RANBP17: variants seen among roughly 807,000 people sequenced by gnomAD.
The protein encoded by RANBP17 is RAN binding protein 17.
Under a neutral mutation model 141.2 loss-of-function variants are expected in RANBP17, and 158 were observed. The observed-to-expected ratio is 1.12, with a 90% CI of 0.98 to 1.28. RANBP17 has a LOEUF of 1.28. RANBP17 is among the 50% of genes most tolerant of loss of function. The probability of loss-of-function intolerance (pLI) is 0.00; values close to 1 mark genes in which losing one functional copy is unlikely to be tolerated. For synonymous variants in RANBP17, 430 were observed against 450.0 expected, an observed-to-expected ratio of 0.96 and a Z score of 0.56; for missense variants, 1,438 against 1,290.7, an observed-to-expected ratio of 1.11 and a Z score of -1.75.
chr5:170,990,587 AT>A lies in RANBP17; in HGVS notation c.1710+22211del, dbSNP rs538420834. On this transcript the variant is annotated intron_variant, in intron 14 of 27. Transcript: ENST00000523189. ...AGCATTTTTCAGGGCTGGTAAAAAA[AT>A]ATACTGTTTTATTTAATTATAAGAA... Among the ~76,000 whole-genome samples the A allele has an allele frequency of 3.6e-4, 55 of 152,086 alleles. 1 individual carries two copies. The South Asian group carries it at 0.01, about 28-fold the overall frequency.
In RANBP17 at chr5:171,276,918, TAAAAAA is replaced by T. The variant is rs149425836; in HGVS notation, c.2943+11092_2943+11097del. Among the ~76,000 whole-genome samples the T allele has an allele frequency of 8.5e-5, 7 of 82,218 alleles. No individual in the cohort carries two copies. In the South Asian group the frequency reaches 2.2e-3, roughly 26 times the overall value. 53.9% of individuals were successfully genotyped at this position (82,218 alleles called of 152,430 possible). On this transcript the variant is annotated intron_variant, in intron 25 of 27. Coordinates refer to ENST00000523189, the MANE Select transcript of RANBP17 (RefSeq NM_022897.5). ...TAAAAAGAATTCACTAAATGTATCT[TAAAAAA>T]AAAAAAAAAAAAAAAAAAAACCTCT...
rs764952588 is a variant in RANBP17, at chr5:170,892,550, C to T, written c.420C>T (p.Leu140=). The part of the protein sequence containing the change: ...REIIADVKKF[L]QGTVEHCIIG... Reference sequence around the variant, plus strand: ...TTATTGCTGATGTGAAGAAGTTTCTCCAGGTAAGAAGTCATTGCTACATGG... The same window carrying T: ...TTATTGCTGATGTGAAGAAGTTTCTTCAGGTAAGAAGTCATTGCTACATGG... The change falls in exon 4 of 28, where the codon CTC becomes CTT. Residue 140 remains leucine, a synonymous_variant. Transcript: ENST00000523189. The T allele has an allele frequency of 3.1e-6, 5 of 1,612,650 alleles. No homozygotes were observed. The highest frequency in any genetic ancestry group is 2.2e-5 in the East Asian group (1 of 44,834).
intron 13 of RANBP17, among the ~76,000 whole-genome samples, chr5:170,954,555 A>AAC (rs1775459014): frequency 1.4e-5 from 1 of 72,038 alleles, no homozygotes; most frequent in Admixed American, 1.4e-4. Flanking sequence ...CCCCAACCCC[A>AAC]CCCACCCACC....
intron 14 of RANBP17, among the ~76,000 whole-genome samples, chr5:171,164,452 A>G (rs1021634809): frequency 2.6e-5 from 4 of 152,112 alleles, no homozygotes; most frequent in African/African-American, 9.7e-5. Flanking sequence ...CCTTTTTAAA[A>G]CCATATGTAA....
At chr5:171,215,788 G>A (rs1248359199) in intron 21 of RANBP17, among the ~76,000 whole-genome samples, 6 of 151,828 alleles carry the variant, frequency 4.0e-5, no homozygotes, top group Non-Finnish European at 8.8e-5. Flanking sequence ...TAAGTTCCTT[G>A]TAGATTCTGG....
chr5:171,200,123 G>C (rs1050638319), intron 19 of RANBP17, among the ~76,000 whole-genome samples: 1 of 152,060 alleles, frequency 6.6e-6, no homozygotes, highest in Non-Finnish European at 1.5e-5. Flanking sequence ...TCTATATGGA[G>C]GAATGCACAA....
intron 14 of RANBP17, chr5:171,143,474 C>A (rs1757836573): frequency 6.6e-6 from 1 of 152,106 alleles, no homozygotes; most frequent in Non-Finnish European, 1.5e-5. Context: ...TCCAGGTAAG[C>A]CCTTATTTAA....
At chr5:171,010,680 C>T (rs1561984508) in intron 14 of RANBP17, among the ~76,000 whole-genome samples, 1 of 152,030 alleles carries the variant, frequency 6.6e-6, no homozygotes, top group Non-Finnish European at 1.5e-5. Flanking sequence ...GGAAATTCCC[C>T]TATCCCCCAC....
chr5:171,286,915 T>C (rs1199451191), intron 25 of RANBP17, among the ~76,000 whole-genome samples: 1 of 152,240 alleles, frequency 6.6e-6, no homozygotes, highest in African/African-American at 2.4e-5. Flanking sequence ...AATCCTACTC[T>C]ACTGTAAGCA....
At position 171,019,549 on chromosome 5, in the gene RANBP17, G is replaced by A. The variant is rs540425042; in HGVS notation, c.1710+51172G>A. ...AGATTTTCTAGTTTATTTGCATAGCGGTGTTTATAGTATTCTCTGATGGTA... is the reference window on the plus strand; with the variant it reads ...AGATTTTCTAGTTTATTTGCATAGCAGTGTTTATAGTATTCTCTGATGGTA... On this transcript the variant is annotated intron_variant, in intron 14 of 27. Coordinates refer to ENST00000523189, the MANE Select transcript of RANBP17 (RefSeq NM_022897.5). Among the ~76,000 whole-genome samples the A allele has an allele frequency of 4.3e-4, 65 of 152,196 alleles. 1 individual carries two copies. In the South Asian group the frequency reaches 0.012, roughly 29 times the overall value.
rs1760443549 is a variant in RANBP17 at position 171,175,873 on chromosome 5, T to C, written c.1865+4587T>C. Among the ~76,000 whole-genome samples, 3 of 152,084 alleles carry C rather than the reference T, an allele frequency of 2.0e-5. No homozygotes were observed. In the South Asian group the frequency reaches 6.2e-4, roughly 32 times the overall value. ...CAAGATTAATGACTTCTCCATGTTA[T>C]TGCAAGGCTAGCTACATAATTTGCA... On this transcript the variant is annotated intron_variant, in intron 16 of 27. Coordinates refer to ENST00000523189, the MANE Select transcript of RANBP17 (RefSeq NM_022897.5).
At chr5:170,935,472 C>T (rs1301697123) in intron 12 of RANBP17, among the ~76,000 whole-genome samples, 2 of 152,112 alleles carry the variant, frequency 1.3e-5, no homozygotes, top group Non-Finnish European at 2.9e-5. Context: ...ATGATGGTGA[C>T]GTATGGATGG....
At chr5:170,999,621 G>T (rs577300729) in intron 14 of RANBP17, among the ~76,000 whole-genome samples, 207 of 152,184 alleles carry the variant, frequency 1.4e-3, no homozygotes, top group African/African-American at 4.8e-3. Flanking sequence ...AAAAATATGG[G>T]AATTCTCAAA....
intron 24 of RANBP17, among the ~76,000 whole-genome samples, chr5:171,251,032 A>T (rs761065321): frequency 2.0e-5 from 3 of 152,240 alleles, no homozygotes; most frequent in Admixed American, 1.3e-4. Flanking sequence ...CATTCTTTTC[A>T]TCGGAACATG....
At chr5:171,225,043 G>A (rs995167506) in intron 22 of RANBP17, among the ~76,000 whole-genome samples, 2 of 152,144 alleles carry the variant, frequency 1.3e-5, no homozygotes, top group African/African-American at 2.4e-5. Flanking sequence ...ACTAGTTAAC[G>A]ACTGTGATTA....
At chr5:170,938,695 A>C (rs966589880) in intron 12 of RANBP17, among the ~76,000 whole-genome samples, 1 of 152,220 alleles carries the variant, frequency 6.6e-6, no homozygotes, top group Non-Finnish European at 1.5e-5. Flanking sequence ...GATGTGTTAA[A>C]CAGTAAATTG....
chr5:170,953,793 A>G (rs1775394184), intron 13 of RANBP17, 91 bp downstream of exon 13: 1 of 807,632 alleles, frequency 1.2e-6, no homozygotes, highest in Non-Finnish European at 2.0e-6. Flanking sequence ...GACATTTTGT[A>G]TGTGGCCTTT....
At position 171,020,031 on chromosome 5, in the gene RANBP17, G is replaced by A. The variant is rs773856806; in HGVS notation, c.1710+51654G>A. On this transcript the variant is annotated intron_variant, in intron 14 of 27. Coordinates refer to ENST00000523189, the MANE Select transcript of RANBP17 (RefSeq NM_022897.5). ...TCCTGCCTTCATTTCACTGTTTACT[G>A]AGGAGTTATTCAGGAGCAGGTTGTT... Among the ~76,000 whole-genome samples the A allele has an allele frequency of 7.4e-4, 113 of 152,104 alleles. 2 individuals carry two copies. Among genetic ancestry groups the A allele is most frequent in the Non-Finnish European group, 1.8e-4 (12 of 68,008 alleles).
chr5:170,960,080 T>C (rs1189359373), intron 13 of RANBP17, among the ~76,000 whole-genome samples: 1 of 152,246 alleles, frequency 6.6e-6, no homozygotes, highest in African/African-American at 2.4e-5. Flanking sequence ...ATAGTACTTA[T>C]TACCTCTTGA....
Sources: allele counts gnomAD v4.1 joint callset (sites outside exome capture counted in the v4.1 genomes callset), GRCh38; gene constraint gnomAD v4.1.1; transcripts MANE v1.5; gene names NCBI Gene and HGNC (gene_info 2026-07-23, HGNC 2026-07-21).